GLIS3: variants seen among roughly 807,000 people sequenced by gnomAD.
GLIS3 encodes zinc finger protein GLIS3.
GLIS3 carries 53 observed loss-of-function variants against 78.6 expected under a neutral mutation model. The observed-to-expected ratio is 0.67, with a 90% CI of 0.54 to 0.85. The LOEUF is 0.85. Among genes scored for constraint, GLIS3 ranks in the 40% least tolerant of loss-of-function variants. The probability of loss-of-function intolerance (pLI) is 0.00; values close to 1 mark genes in which losing one functional copy is unlikely to be tolerated. For missense variants in GLIS3, 1,703 were observed against 1,231.1 expected (o/e 1.38, Z -5.74); for synonymous variants, 684 against 509.9 (o/e 1.34, Z -4.60).
intron 4 of GLIS3, among the ~76,000 whole-genome samples, chr9:4,009,784 C>G (rs1821849752): frequency 6.6e-6 from 1 of 152,200 alleles, no homozygotes; most frequent in Non-Finnish European, 1.5e-5. Context: ...TCCTGCCCTC[C>G]AACCTGGGCA....
At chr9:4,371,823 T>C in the GLIS3 span, among the ~76,000 whole-genome samples, 8 of 152,316 alleles carry the variant, frequency 5.3e-5, no homozygotes, top group Non-Finnish European at 1.2e-4. Flanking sequence ...GCCCTGAAGA[T>C]CTGAACTTTT....
At chr9:4,067,691 A>C (rs1827214714) in intron 4 of GLIS3, among the ~76,000 whole-genome samples, 1 of 152,210 alleles carries the variant, frequency 6.6e-6, no homozygotes, top group Non-Finnish European at 1.5e-5. Flanking sequence ...GAGATGAAAA[A>C]CAGATTTGCC....
chr9:4,246,236 A>G (rs75674595), intron 2 of GLIS3, among the ~76,000 whole-genome samples: 4,237 of 152,298 alleles, frequency 0.028, 213 homozygotes, highest in African/African-American at 0.095. Flanking sequence ...CCCAGTCTCA[A>G]AAGAAACAAA....
At chr9:4,360,241 G>T in the GLIS3 span, among the ~76,000 whole-genome samples, 2 of 152,110 alleles carry the variant, frequency 1.3e-5, no homozygotes, top group Admixed American at 1.3e-4. Context: ...ACATCAACGC[G>T]CTCTGTGTCT....
chr9:4,207,388 G>A (rs1461830233), intron 2 of GLIS3, among the ~76,000 whole-genome samples: 2 of 152,140 alleles, frequency 1.3e-5, no homozygotes, highest in Non-Finnish European at 2.9e-5. Context: ...GGTGATTTAT[G>A]CTCCTCCACT....
chr9:4,255,931 A>G (rs1336588910), intron 2 of GLIS3, among the ~76,000 whole-genome samples: 1 of 152,172 alleles, frequency 6.6e-6, no homozygotes, highest in Admixed American at 6.6e-5. Context: ...GGATGTTGAT[A>G]ATGGCGAATG....
At chr9:4,044,802 C>A (rs1825115573) in intron 4 of GLIS3, among the ~76,000 whole-genome samples, 1 of 152,216 alleles carries the variant, frequency 6.6e-6, no homozygotes, top group Admixed American at 6.5e-5. Flanking sequence ...ACAGACTCTT[C>A]ACTTTCTTTT....
At chr9:4,397,087 G>A in the GLIS3 span, among the ~76,000 whole-genome samples, 6,904 of 137,226 alleles carry the variant, frequency 0.05, 587 homozygotes, top group East Asian at 0.25. Context: ...GTGCAGTGGC[G>A]CGATCTTGGC....
intron 4 of GLIS3, among the ~76,000 whole-genome samples, chr9:3,976,611 C>A (rs1199810905): frequency 6.6e-6 from 1 of 151,404 alleles, no homozygotes; most frequent in Non-Finnish European, 1.5e-5. Flanking sequence ...TTTAGAACAT[C>A]TGGATGAATT....
At chr9:4,239,021 C>A (rs895800219) in intron 2 of GLIS3, among the ~76,000 whole-genome samples, 4 of 151,846 alleles carry the variant, frequency 2.6e-5, no homozygotes, top group Non-Finnish European at 4.4e-5. Context: ...ATGAACTCAT[C>A]ATTTTTTATG....
chr9:4,467,744 C>T, the GLIS3 span, among the ~76,000 whole-genome samples: 2 of 152,220 alleles, frequency 1.3e-5, no homozygotes, highest in Admixed American at 6.5e-5. Context: ...CAAAGGAAGA[C>T]AGCTCCTCGC....
At chr9:4,287,675 G>A (rs971697477) in intron 1 of GLIS3, among the ~76,000 whole-genome samples, 1 of 152,038 alleles carries the variant, frequency 6.6e-6, no homozygotes, top group African/African-American at 2.4e-5. Context: ...TTTTGTGTAT[G>A]ATCCACTCAA....
chr9:4,011,791 C>T (rs1374852508), intron 4 of GLIS3, among the ~76,000 whole-genome samples: 1 of 152,170 alleles, frequency 6.6e-6, no homozygotes, highest in Non-Finnish European at 1.5e-5. Flanking sequence ...TCTACCCTTC[C>T]TGAAACTCTA....
At chr9:4,480,262 TG>T in the GLIS3 span, among the ~76,000 whole-genome samples, 1 of 145,772 alleles carries the variant, frequency 6.9e-6, no homozygotes, top group African/African-American at 2.6e-5. Flanking sequence ...TGGACTGCAG[TG>T]GCATAATCAC....
intron 4 of GLIS3, among the ~76,000 whole-genome samples, chr9:4,088,828 G>C (rs185507511): frequency 4.6e-5 from 7 of 152,298 alleles, no homozygotes; most frequent in Non-Finnish European, 1.0e-4. Context: ...GGCCAAAATG[G>C]ATATTTCTTT....
At chr9:4,114,746 T>C (rs966936699) in intron 4 of GLIS3, among the ~76,000 whole-genome samples, 7 of 152,044 alleles carry the variant, frequency 4.6e-5, no homozygotes, top group Non-Finnish European at 7.4e-5. Context: ...TGGGTGGGAA[T>C]GTCTCTGCAA....
At chr9:4,391,345 C>T in the GLIS3 span, among the ~76,000 whole-genome samples, 1 of 152,148 alleles carries the variant, frequency 6.6e-6, no homozygotes, top group East Asian at 1.9e-4. Flanking sequence ...CCAAAGATTG[C>T]TTGTCTAGTC....
rs666985 is a variant in GLIS3 at position 3,963,998 on chromosome 9, T to C, written c.1711-26809A>G. On this transcript the variant is annotated intron_variant, in intron 4 of 10. Coordinates refer to ENST00000381971, the MANE Select transcript of GLIS3 (RefSeq NM_001042413.2). ...GTGCACGCACTGCTTCATGCTGCCA[T>C]GCATGTTCTGAGTAAACAACTGCGT... 1.0e-2 allele frequency among the ~76,000 whole-genome samples: 1,522 copies of C among 152,316 alleles called. 26 individuals carry two copies. The highest frequency in any genetic ancestry group is 0.034 in the African/African-American group (1,410 of 41,562).
intron 7 of GLIS3, among the ~76,000 whole-genome samples, chr9:3,890,930 A>T (rs1412922533): frequency 3.9e-5 from 6 of 152,162 alleles, no homozygotes; most frequent in Non-Finnish European, 5.9e-5. Flanking sequence ...TTCCTTAATT[A>T]AAAAATGCCA....
Sources: gnomAD v4.1 joint callset for allele counts (sites outside exome capture counted in the v4.1 genomes callset) on GRCh38, gnomAD v4.1.1 for gene constraint, MANE v1.5 for transcripts, NCBI Gene and HGNC (gene_info 2026-07-23, HGNC 2026-07-21) for gene names.